ULK4: variants seen among roughly 807,000 people sequenced by gnomAD.
ULK4 encodes inactive serine/threonine-protein kinase ULK4.
Under a neutral mutation model 160.6 loss-of-function variants are expected in ULK4, and 133 were observed. The observed-to-expected ratio is 0.83, with a 90% CI of 0.72 to 0.96. The LOEUF (loss-of-function observed/expected upper bound fraction) is 0.96. ULK4 is among the 40% of genes least tolerant of loss of function. The pLI, the probability that ULK4 is intolerant of heterozygous loss-of-function variation, is 0.00. For missense variants in ULK4, 1,580 were observed against 1,499.5 expected (o/e 1.05, Z -0.89); for synonymous variants, 534 against 539.8 (o/e 0.99, Z 0.15).
At chr3:41,633,311 T>C (rs1475227368) in intron 30 of ULK4, among the ~76,000 whole-genome samples, 1 of 152,180 alleles carries the variant, frequency 6.6e-6, no homozygotes, top group Non-Finnish European at 1.5e-5. Context: ...GAAGAATATT[T>C]CATGATATAT....
At chr3:41,440,803 C>T (rs1331624727) in intron 34 of ULK4, among the ~76,000 whole-genome samples, 1 of 152,048 alleles carries the variant, frequency 6.6e-6, no homozygotes, top group African/African-American at 2.4e-5. Context: ...ACATTTTAAA[C>T]TAAAAATTCT....
intron 27 of ULK4, among the ~76,000 whole-genome samples, chr3:41,694,776 A>G (rs1163960064): frequency 6.6e-6 from 1 of 152,066 alleles, no homozygotes; most frequent in Non-Finnish European, 1.5e-5. Context: ...TTAAATTTGT[A>G]TTATTTTTAT....
intron 32 of ULK4, among the ~76,000 whole-genome samples, chr3:41,542,884 C>T (rs188437851): frequency 6.6e-6 from 1 of 152,156 alleles, no homozygotes; most frequent in Admixed American, 6.5e-5. Context: ...GCAACTCCAG[C>T]TTGATAGGGA....
intron 27 of ULK4, among the ~76,000 whole-genome samples, chr3:41,685,102 G>A (rs1323864602): frequency 6.6e-6 from 1 of 152,116 alleles, no homozygotes; most frequent in Non-Finnish European, 1.5e-5. Flanking sequence ...TGTGACCTTT[G>A]CCATTTATTA....
intron 35 of ULK4, among the ~76,000 whole-genome samples, chr3:41,371,663 A>G (rs1183223787): frequency 6.6e-6 from 1 of 152,208 alleles, no homozygotes; most frequent in Non-Finnish European, 1.5e-5. Context: ...CAAAGACCAC[A>G]TGTAAATAAA....
At chr3:41,355,057 G>A (rs1277753576) in intron 35 of ULK4, among the ~76,000 whole-genome samples, 2 of 152,144 alleles carry the variant, frequency 1.3e-5, no homozygotes, top group Admixed American at 1.3e-4. Flanking sequence ...ACTCTTGTTT[G>A]CCAGGAAAAT....
chr3:41,881,127 G>A (rs2125700923), intron 17 of ULK4, among the ~76,000 whole-genome samples: 1 of 152,118 alleles, frequency 6.6e-6, no homozygotes, highest in Admixed American at 6.5e-5. Context: ...ATGAACCAAA[G>A]ATTCACTCCA....
At chr3:41,950,091 C>T (rs558467369) in intron 2 of ULK4, among the ~76,000 whole-genome samples, 65 of 144,506 alleles carry the variant, frequency 4.5e-4, no homozygotes, top group African/African-American at 1.4e-3. Context: ...TTTTATTTTT[C>T]TTTTTTTTTT....
chr3:41,729,173 A>G (rs2037744675), intron 22 of ULK4, among the ~76,000 whole-genome samples: 1 of 152,242 alleles, frequency 6.6e-6, no homozygotes, highest in African/African-American at 2.4e-5. Context: ...AGGAATCCAA[A>G]TACTCTGCTC....
intron 10 of ULK4, 49 bp from the exon 11 acceptor site, chr3:41,911,435 A>G (rs1698780940): frequency 1.2e-6 from 2 of 1,601,490 alleles, no homozygotes; most frequent in Non-Finnish European, 1.7e-6. Context: ...AAAATATCAT[A>G]TGCAAGGCAT....
chr3:41,844,722 A>G lies in ULK4; in HGVS notation c.1657-8751T>C, dbSNP rs967200468. Among the ~76,000 whole-genome samples the G allele has an allele frequency of 6.7e-5, 10 of 149,372 alleles. 1 individual carries two copies. In the Admixed American group the frequency reaches 6.8e-4, roughly 10 times the overall value. On this transcript the variant is annotated intron_variant, in intron 17 of 36. Coordinates refer to ENST00000301831, the MANE Select transcript of ULK4 (RefSeq NM_017886.4). Reference sequence around the variant, plus strand: ...CTGTGAGGGCTGCCAGCACGCTGTCACCTCTCAATACGTTGCTGGTGAGAA... The same window carrying G: ...CTGTGAGGGCTGCCAGCACGCTGTCGCCTCTCAATACGTTGCTGGTGAGAA...
intron 35 of ULK4, among the ~76,000 whole-genome samples, chr3:41,297,068 T>C (rs2079683419): frequency 6.6e-6 from 1 of 152,170 alleles, no homozygotes; most frequent in South Asian, 2.1e-4. Context: ...AGAGGGGCTA[T>C]GTTCTGCTGC....
At chr3:41,372,423 C>A (rs1243608523) in intron 35 of ULK4, among the ~76,000 whole-genome samples, 1 of 152,142 alleles carries the variant, frequency 6.6e-6, no homozygotes. Context: ...CAAAGGGAAG[C>A]CCATCAGACT....
At chr3:41,923,807 A>C (rs1470423340) in intron 5 of ULK4, among the ~76,000 whole-genome samples, 2 of 152,204 alleles carry the variant, frequency 1.3e-5, no homozygotes, top group African/African-American at 4.8e-5. Context: ...TCTTTTCATA[A>C]ATCAGCCCAG....
chr3:41,598,638 G>A (rs969549916), intron 31 of ULK4, among the ~76,000 whole-genome samples: 9 of 151,786 alleles, frequency 5.9e-5, no homozygotes, highest in African/African-American at 9.7e-5. Flanking sequence ...CTATTTTTAC[G>A]GCCCAGAGAA....
At chr3:41,562,282 T>A (rs1470114347) in intron 32 of ULK4, among the ~76,000 whole-genome samples, 1 of 152,192 alleles carries the variant, frequency 6.6e-6, no homozygotes, top group Non-Finnish European at 1.5e-5. Flanking sequence ...TACTTCCAAT[T>A]ATGTGGTCAA....
chr3:41,573,341 G>A, intron 31 of ULK4, among the ~76,000 whole-genome samples: 1 of 80,992 alleles, frequency 1.2e-5, no homozygotes, highest in East Asian at 2.4e-4. Context: ...CGTGAAAAAT[G>A]ACCAGCCTTT....
At chr3:41,264,402 G>T (rs1454029767) in intron 35 of ULK4, among the ~76,000 whole-genome samples, 2 of 152,240 alleles carry the variant, frequency 1.3e-5, no homozygotes, top group Non-Finnish European at 2.9e-5. Flanking sequence ...AAGATGCCGT[G>T]TGGCCCTTTG....
At chr3:41,699,676 A>T (rs1275242552) in intron 27 of ULK4, among the ~76,000 whole-genome samples, 2 of 152,228 alleles carry the variant, frequency 1.3e-5, no homozygotes, top group Non-Finnish European at 2.9e-5. Flanking sequence ...CATACAATAT[A>T]GTATTGATCA....
Sources: allele counts gnomAD v4.1 joint callset (sites outside exome capture counted in the v4.1 genomes callset), GRCh38; gene constraint gnomAD v4.1.1; transcripts MANE v1.5; gene names NCBI Gene and HGNC (gene_info 2026-07-23, HGNC 2026-07-21).